SLC2A11: variants seen among roughly 807,000 people sequenced by gnomAD.
SLC2A11 encodes the protein solute carrier family 2 member 11, also known as solute carrier family 2, facilitated glucose transporter member 11.
A neutral mutation model predicts 52.1 loss-of-function variants in SLC2A11; 43 were observed. The ratio of observed to expected loss-of-function variants is 0.82; its 90% CI spans 0.65 to 1.06. SLC2A11 has a LOEUF of 1.06. Among genes scored for constraint, SLC2A11 ranks in the 50% least tolerant of loss-of-function variants. The probability of loss-of-function intolerance (pLI) is 0.00; values close to 1 mark genes in which losing one functional copy is unlikely to be tolerated. For missense variants in SLC2A11, 582 were observed against 654.2 expected, an observed-to-expected ratio of 0.89 and a Z score of 1.20; for synonymous variants, 261 against 277.6, an observed-to-expected ratio of 0.94 and a Z score of 0.59.
chr22:23,883,119 C>G lies in SLC2A11; in HGVS notation c.993+250C>G, dbSNP rs66537628. The G allele has an allele frequency of 8.3e-3, 4,349 of 524,838 alleles. 93 individuals carry two copies. Among genetic ancestry groups the G allele is most frequent in the South Asian group, 0.036 (1,883 of 51,996 alleles). 32.5% of individuals were successfully genotyped at this position (524,838 alleles called of 1,614,324 possible). On this transcript the variant is annotated intron_variant, in intron 8 of 11. Transcript: ENST00000316185. ...TACTAAAAAATACAAAAAATTATCCCGGCGTGGTGGCGGGCGCCTGTAATC... is the reference window on the plus strand; with the variant it reads ...TACTAAAAAATACAAAAAATTATCCGGGCGTGGTGGCGGGCGCCTGTAATC...
chr22:23,868,333 C>T, intron 2 of SLC2A11, 148 bp from the exon 3 acceptor site: 2 of 924,674 alleles, frequency 2.2e-6, no homozygotes, highest in Non-Finnish European at 3.2e-6. Context: ...CGAGTTGGTT[C>T]CTGCTCCAGG....
chr22:23,860,925 T>A (rs944508164), intron 1 of SLC2A11, among the ~76,000 whole-genome samples: 11 of 145,540 alleles, frequency 7.6e-5, no homozygotes, highest in Admixed American at 1.4e-4. Flanking sequence ...GGCTCACTGC[T>A]AGCTCCGCCT....
At chr22:23,883,511 A>G in intron 8 of SLC2A11, 1 of 467,584 alleles carries the variant, frequency 2.1e-6, no homozygotes, top group Non-Finnish European at 3.8e-6. Flanking sequence ...CAATCAATCA[A>G]TCAATGCAGT....
At position 23,884,918 on chromosome 22, in the gene SLC2A11, C is replaced by G. The variant is rs2032953632; in HGVS notation, c.*69C>G. ...CTCTGCTTCCTGCCAGGGCCCTGGT[C>G]CTCACTCCCTCCTGCATTCCTCATT... On this transcript the variant is annotated 3_prime_UTR_variant, in exon 12 of 12. Transcript: ENST00000316185. This position sits in a 1 kb window ranked among gnomAD's most constrained non-coding sequence, Gnocchi z 4.3. 1 of 1,313,346 alleles carries G rather than the reference C, an allele frequency of 7.6e-7. No individual in the cohort carries two copies. Among genetic ancestry groups the G allele is most frequent in the African/African-American group, 1.5e-5 (1 of 68,250 alleles). 81.4% of individuals were successfully genotyped at this position (1,313,346 alleles called of 1,614,324 possible).
intron 6 of SLC2A11, among the ~76,000 whole-genome samples, chr22:23,878,924 A>G (rs1324034543): frequency 6.6e-6 from 1 of 152,214 alleles, no homozygotes; most frequent in Admixed American, 6.5e-5. Flanking sequence ...TGCAATGGTA[A>G]AAAGTAAGAT....
At chr22:23,869,740 C>T (rs1214922417) in intron 3 of SLC2A11, 1 of 453,032 alleles carries the variant, frequency 2.2e-6, no homozygotes, top group African/African-American at 2.0e-5. Context: ...CAGAAATTTA[C>T]TTTCTCACAG....
intron 9 of SLC2A11, 27 bp downstream of exon 9, chr22:23,883,900 G>A: frequency 6.2e-7 from 1 of 1,608,478 alleles, no homozygotes; most frequent in South Asian, 1.1e-5. Context: ...AGGGCTGGGG[G>A]GTCCAGGCCG....
chr22:23,864,562 C>T (rs904540845), intron 2 of SLC2A11, among the ~76,000 whole-genome samples: 3 of 152,152 alleles, frequency 2.0e-5, no homozygotes, highest in African/African-American at 4.8e-5. Flanking sequence ...TCAGGCGATC[C>T]GCCTGCCTTG....
chr22:23,875,023 T>A, intron 3 of SLC2A11, 94 bp from the exon 4 acceptor site: 1 of 1,350,904 alleles, frequency 7.4e-7, no homozygotes, highest in Non-Finnish European at 9.7e-7. Context: ...TGTGTCTAAT[T>A]AAGGCTTGTT....
chr22:23,878,654 G>A (rs769610556), intron 6 of SLC2A11, among the ~76,000 whole-genome samples: 20 of 152,194 alleles, frequency 1.3e-4, no homozygotes, highest in Non-Finnish European at 1.6e-4. Flanking sequence ...CATCGCAAGG[G>A]CTGTGGATTT....
At chr22:23,860,469 T>A (rs1291258792) in intron 1 of SLC2A11, among the ~76,000 whole-genome samples, 1 of 151,972 alleles carries the variant, frequency 6.6e-6, no homozygotes, top group East Asian at 1.9e-4. Context: ...TGTGAATCCC[T>A]AAGACGACCT....
At chr22:23,861,290 CAAAAAAAA>C (rs56138210) in intron 1 of SLC2A11, among the ~76,000 whole-genome samples, 4 of 35,624 alleles carry the variant, frequency 1.1e-4, no homozygotes, top group Admixed American at 2.9e-4. Flanking sequence ...GACTCAGTCT[CAAAAAAAA>C]AAAAAAAAAA....
chr22:23,860,807 G>A (rs1478606730), intron 1 of SLC2A11, among the ~76,000 whole-genome samples: 6 of 144,428 alleles, frequency 4.2e-5, no homozygotes, highest in Middle Eastern at 7.2e-3. Flanking sequence ...TCAGCCTCCC[G>A]AGTAGCTGGG....
chr22:23,875,359 A>G (rs2032585057), intron 4 of SLC2A11, 118 bp downstream of exon 4: 12 of 1,156,960 alleles, frequency 1.0e-5, no homozygotes, highest in Non-Finnish European at 1.2e-5. Context: ...TTTATTTTTT[A>G]TTTATGCCTA....
chr22:23,858,080 G>A (rs377051085), intron 1 of SLC2A11, 51 bp downstream of exon 1: 4 of 1,551,300 alleles, frequency 2.6e-6, no homozygotes, highest in Non-Finnish European at 3.5e-6. Context: ...GAGGGATTGC[G>A]GACCTGAGTG....
At chr22:23,862,053 A>T in intron 1 of SLC2A11, 51 bp from the exon 2 acceptor site, 1 of 1,454,636 alleles carries the variant, frequency 6.9e-7, no homozygotes, top group Non-Finnish European at 9.7e-7. Context: ...TGGTCCAGGG[A>T]GGGGGTGGAG....
chr22:23,883,490 A>G, intron 8 of SLC2A11: 1 of 445,834 alleles, frequency 2.2e-6, no homozygotes, highest in Non-Finnish European at 4.0e-6. Context: ...GAGACCAGTA[A>G]GACCCTGTCT....
At position 23,868,583 on chromosome 22, in the gene SLC2A11, CCCCTGGGAGG is replaced by C; in HGVS notation, c.235_244del (p.Leu79SerfsTer22). ...GTGGTCCCTCATCGTGTCTCTGTAT[CCCCTGGGAGG>C]CCTCTTTGGAGCACTGCTTGCAGGT... is the stretch of plus-strand genomic sequence containing the variant. On this transcript the variant is annotated frameshift_variant, in exon 3 of 12. Transcript: ENST00000316185. LOFTEE classifies it high-confidence loss of function. 1 of 1,614,220 alleles carries C rather than the reference CCCCTGGGAGG, an allele frequency of 6.2e-7. No individual in the cohort carries two copies. The highest frequency in any genetic ancestry group is 8.5e-7 in the Non-Finnish European group (1 of 1,180,034).
At chr22:23,877,684 A>G in intron 5 of SLC2A11, 37 bp from the exon 6 acceptor site, 1 of 1,529,324 alleles carries the variant, frequency 6.5e-7, no homozygotes, top group Non-Finnish European at 8.8e-7. Flanking sequence ...ACTCTGGCAA[A>G]GAGGCATCTG....
Sources: gnomAD v4.1 joint callset for allele counts (sites outside exome capture counted in the v4.1 genomes callset) on GRCh38, gnomAD v4.1.1 for gene constraint, Gnocchi (gnomAD v3.1) non-coding constraint, MANE v1.5 for transcripts, NCBI Gene and HGNC (gene_info 2026-07-23, HGNC 2026-07-21) for gene names.